Variants in LRMDA observed in about 807,000 individuals in gnomAD.
LRMDA encodes the protein leucine rich melanocyte differentiation associated, also known as leucine-rich melanocyte differentiation-associated protein.
In LRMDA, 18 loss-of-function variants were observed where a neutral mutation model predicts 29.8. That is an observed-to-expected ratio of 0.60 (90% CI 0.42 to 0.90). LRMDA has a LOEUF of 0.90. Ranked by LOEUF, LRMDA falls within the 40% of genes least tolerant of loss-of-function variation. LRMDA has a pLI of 0.00. For missense variants in LRMDA, 273 were observed against 273.9 expected, an observed-to-expected ratio of 1.00 and a Z score of 0.02; for synonymous variants, 125 against 109.4, an observed-to-expected ratio of 1.14 and a Z score of -0.89.
chr10:75,955,922 A>C (rs1180966651), intron 2 of LRMDA, among the ~76,000 whole-genome samples: 1 of 152,332 alleles, frequency 6.6e-6, no homozygotes, highest in East Asian at 1.9e-4. Context: ...ATAGCATGAA[A>C]AAAGAAAGTT....
intron 6 of LRMDA, among the ~76,000 whole-genome samples, chr10:76,547,448 C>A (rs1232226156): frequency 2.0e-5 from 3 of 152,118 alleles, no homozygotes; most frequent in Admixed American, 2.0e-4. Flanking sequence ...AATTGGTGAC[C>A]AAAAGCACAG....
chr10:75,943,506 A>G (rs767039068), intron 2 of LRMDA, among the ~76,000 whole-genome samples: 2 of 152,204 alleles, frequency 1.3e-5, no homozygotes, highest in Non-Finnish European at 2.9e-5. Context: ...TCTTACTTTT[A>G]TGTCATTAGA....
At chr10:76,480,931 A>G (rs1842727449) in intron 6 of LRMDA, among the ~76,000 whole-genome samples, 1 of 151,906 alleles carries the variant, frequency 6.6e-6, no homozygotes, top group Non-Finnish European at 1.5e-5. Flanking sequence ...TGGGACAGCG[A>G]CTCAATGGTA....
chr10:76,023,022 T>G (rs1848000977), intron 2 of LRMDA, among the ~76,000 whole-genome samples: 1 of 152,166 alleles, frequency 6.6e-6, no homozygotes, highest in African/African-American at 2.4e-5. Context: ...TATGTAATTC[T>G]CAGCCTTTCT....
At chr10:75,902,642 A>G (rs529360370) in intron 2 of LRMDA, among the ~76,000 whole-genome samples, 1 of 152,274 alleles carries the variant, frequency 6.6e-6, no homozygotes, top group South Asian at 2.1e-4. Flanking sequence ...CTCTCCCTTC[A>G]GGGATCTCAC....
chr10:76,432,011 A>G (rs954833902), intron 6 of LRMDA, among the ~76,000 whole-genome samples: 8 of 152,202 alleles, frequency 5.3e-5, no homozygotes, highest in Admixed American at 5.2e-4. Flanking sequence ...TATTTTGTAA[A>G]TTGTCCAGTC....
In LRMDA at chr10:75,823,907, C is replaced by T. The variant is rs117624162; in HGVS notation, c.132-212101C>T. Among the ~76,000 whole-genome samples, 119 of 152,206 alleles carry T rather than the reference C, an allele frequency of 7.8e-4. No individual in the cohort carries two copies. In the East Asian group the frequency reaches 0.022, roughly 28 times the overall value. On this transcript the variant is annotated intron_variant, in intron 2 of 6. Coordinates refer to ENST00000611255, the MANE Select transcript of LRMDA (RefSeq NM_001305581.2). Reference sequence around the variant, plus strand: ...CTCAGAAACAGAAAATCAAAAACCACATGGTCTCACTTATAAGTGAGAGCT... The same window carrying T: ...CTCAGAAACAGAAAATCAAAAACCATATGGTCTCACTTATAAGTGAGAGCT...
chr10:75,562,219 A>G (rs1840307222), intron 2 of LRMDA, among the ~76,000 whole-genome samples: 1 of 152,080 alleles, frequency 6.6e-6, no homozygotes, highest in Non-Finnish European at 1.5e-5. Context: ...GTGCTCCTGT[A>G]TTGGGTGCAT....
chr10:76,506,682 A>T lies in LRMDA; in HGVS notation c.602-50527A>T, dbSNP rs549944936. ...CTATTCTACTTTTTAGCTCCATGGC[A>T]TAAGTATTTTTTAGTTCCCACATAT... On this transcript the variant is annotated intron_variant, in intron 6 of 6. Transcript: ENST00000611255. Among the ~76,000 whole-genome samples, 5 of 152,050 alleles carry T rather than the reference A, an allele frequency of 3.3e-5. 1 individual carries two copies. The South Asian group carries it at 1.0e-3, about 32-fold the overall frequency.
At chr10:75,483,031 A>G (rs1322388691) in intron 2 of LRMDA, among the ~76,000 whole-genome samples, 1 of 151,314 alleles carries the variant, frequency 6.6e-6, no homozygotes, top group African/African-American at 2.4e-5. Flanking sequence ...TGCAACCATC[A>G]CCTCCCAGGC....
intron 2 of LRMDA, among the ~76,000 whole-genome samples, chr10:75,531,919 A>C (rs1201469162): frequency 6.6e-6 from 1 of 151,696 alleles, no homozygotes; most frequent in Admixed American, 6.6e-5. Context: ...ATTGGTGTGC[A>C]CCTGTAGTCC....
intron 2 of LRMDA, among the ~76,000 whole-genome samples, chr10:75,722,208 C>G (rs975618774): frequency 6.6e-6 from 1 of 152,070 alleles, no homozygotes; most frequent in Non-Finnish European, 1.5e-5. Flanking sequence ...GTTAATGGCC[C>G]TGGTGCATCG....
chr10:75,754,862 C>T (rs959487903), intron 2 of LRMDA, among the ~76,000 whole-genome samples: 9 of 152,098 alleles, frequency 5.9e-5, no homozygotes, highest in Admixed American at 2.6e-4. Context: ...CATCCATCCA[C>T]GGTCCGTAGG....
chr10:75,792,823 T>C (rs1843591807), intron 2 of LRMDA, among the ~76,000 whole-genome samples: 1 of 151,954 alleles, frequency 6.6e-6, no homozygotes, highest in African/African-American at 2.4e-5. Flanking sequence ...ACTAAATGAG[T>C]TGATATATGA....
intron 5 of LRMDA, among the ~76,000 whole-genome samples, chr10:76,208,928 C>T (rs144136217): frequency 0.015 from 2,236 of 152,074 alleles, 49 homozygotes; most frequent in African/African-American, 0.043. Flanking sequence ...CCGAGGAGGG[C>T]GGATCACCTG....
intron 2 of LRMDA, among the ~76,000 whole-genome samples, chr10:75,464,366 G>A (rs1844626533): frequency 6.6e-6 from 1 of 152,164 alleles, no homozygotes; most frequent in Non-Finnish European, 1.5e-5. Flanking sequence ...TACTCGAGTG[G>A]TGTGTTTGTG....
At chr10:75,848,779 C>A (rs1589227517) in intron 2 of LRMDA, among the ~76,000 whole-genome samples, 1 of 152,172 alleles carries the variant, frequency 6.6e-6, no homozygotes, top group Non-Finnish European at 1.5e-5. Context: ...GACAGCCACA[C>A]CTGCATCACT....
chr10:76,426,974 G>A (rs1842133724), intron 6 of LRMDA, among the ~76,000 whole-genome samples: 1 of 152,082 alleles, frequency 6.6e-6, no homozygotes, highest in Non-Finnish European at 1.5e-5. Flanking sequence ...TCTCTGTTTT[G>A]GTACCAGTAC....
intron 6 of LRMDA, among the ~76,000 whole-genome samples, chr10:76,455,651 C>A (rs555810289): frequency 1.3e-5 from 2 of 152,276 alleles, no homozygotes; most frequent in East Asian, 3.9e-4. Flanking sequence ...CTTATCACTT[C>A]TCTGGGAGAC....
Sources: allele counts gnomAD v4.1 joint callset (sites outside exome capture counted in the v4.1 genomes callset), GRCh38; gene constraint gnomAD v4.1.1; transcripts MANE v1.5; gene names NCBI Gene and HGNC (gene_info 2026-07-23, HGNC 2026-07-21).